The following TAOK1 variants were observed in gnomAD, a reference collection of about 807,000 sequenced individuals.
TAOK1 encodes serine/threonine-protein kinase TAO1.
In TAOK1, 21 loss-of-function variants were observed where a neutral mutation model predicts 138.3. That is an observed-to-expected ratio of 0.15 (90% CI 0.11 to 0.22). The LOEUF (loss-of-function observed/expected upper bound fraction) is 0.22, where lower values mean the gene tolerates loss of function less well. TAOK1 is among the 10% of genes least tolerant of loss of function. TAOK1 has a pLI of 1.00. For missense variants in TAOK1, 651 were observed against 1,227.7 expected (o/e 0.53, Z 7.02); for synonymous variants, 361 against 398.4 (o/e 0.91, Z 1.12).
At chr17:29,400,101 A>G (rs1904790258) in intron 1 of TAOK1, among the ~76,000 whole-genome samples, 1 of 152,104 alleles carries the variant, frequency 6.6e-6, no homozygotes, top group Admixed American at 6.6e-5. Flanking sequence ...GTCTTAAGAA[A>G]TGACATTTCA....
chr17:29,393,098 A>G (rs957441216), intron 1 of TAOK1, among the ~76,000 whole-genome samples: 8 of 152,204 alleles, frequency 5.3e-5, no homozygotes, highest in African/African-American at 1.9e-4. Flanking sequence ...TTCATGGGAC[A>G]AAGCTGCATG....
chr17:29,460,937 G>C (rs1346478228), intron 2 of TAOK1, among the ~76,000 whole-genome samples: 6 of 152,192 alleles, frequency 3.9e-5, no homozygotes, highest in Non-Finnish European at 7.3e-5. Flanking sequence ...CTCACTCCTA[G>C]AGTAGAATTA....
intron 10 of TAOK1, among the ~76,000 whole-genome samples, chr17:29,494,465 A>T (rs1477436293): frequency 6.6e-6 from 1 of 152,024 alleles, no homozygotes; most frequent in African/African-American, 2.4e-5. Flanking sequence ...GCTGTGATTC[A>T]TAGTTACAAC....
chr17:29,531,758 G>A (rs1302225239), intron 18 of TAOK1, among the ~76,000 whole-genome samples: 3 of 145,832 alleles, frequency 2.1e-5, no homozygotes, highest in African/African-American at 7.5e-5. Flanking sequence ...ACGAGACTCC[G>A]TCTCAGAAAA....
Position 29,505,700 on chromosome 17 carries a change from C to T in TAOK1, c.1339-2196C>T, listed in dbSNP as rs193297009. On this transcript the variant is annotated intron_variant, in intron 13 of 19. Transcript: ENST00000261716. ...CTGGGGGACAAGAGCAAGACTTCGT[C>T]TCAAAAAATAAAAAAAAGAAATCAG... is the stretch of plus-strand genomic sequence containing the variant. 2.2e-3 allele frequency among the ~76,000 whole-genome samples: 323 copies of T among 150,006 alleles called. 6 individuals carry two copies. The highest frequency in any genetic ancestry group is 3.1e-4 in the Non-Finnish European group (21 of 67,746).
chr17:29,492,409 C>G (rs900494129), intron 10 of TAOK1, among the ~76,000 whole-genome samples: 1 of 152,154 alleles, frequency 6.6e-6, no homozygotes, highest in Non-Finnish European at 1.5e-5. Context: ...GTTAAGTATT[C>G]AAATAGCTCA....
In TAOK1 at chr17:29,477,700, C is replaced by G; in HGVS notation, c.346C>G (p.Leu116Val). Residue 116 changes from leucine to valine, a missense_variant, in exon 5 of 20, where the codon CTA becomes GTA. This residue lies in a region of TAOK1 where 116 missense variants were observed against 213.9 expected (regional missense o/e 0.54). Transcript: ENST00000261716. ...TTGTTTAGGATCTGCTTCGGATTTA[C>G]TAGAAGGTAAGTTCCCTTTGATTAT... ...EYCLGSASDL[L>V]EVHKKPLQEV... 1 of 1,408,748 alleles carries G rather than the reference C, an allele frequency of 7.1e-7. No homozygotes were observed. The highest frequency in any genetic ancestry group is 2.7e-5 in the East Asian group (1 of 37,266). The allele number at this position is 1,408,748 out of a possible 1,614,324, so 87.3% of individuals were successfully genotyped here. A position where few individuals can be genotyped will look rare whatever the true frequency, so the allele number is the denominator to read the frequency against.
At chr17:29,539,156 G>A (rs1338628270) in intron 19 of TAOK1, among the ~76,000 whole-genome samples, 1 of 152,188 alleles carries the variant, frequency 6.6e-6, no homozygotes, top group Non-Finnish European at 1.5e-5. Context: ...CAGCTCCTCT[G>A]GAGGCTGAGG....
At chr17:29,531,259 G>A (rs866515410) in intron 18 of TAOK1, among the ~76,000 whole-genome samples, 3 of 151,186 alleles carry the variant, frequency 2.0e-5, no homozygotes, top group Middle Eastern at 3.4e-3. Context: ...GAGCCACCAC[G>A]CCCGGCTACA....
At chr17:29,491,989 A>T (rs1387335950) in intron 10 of TAOK1, 124 bp downstream of exon 10, 6 of 649,436 alleles carry the variant, frequency 9.2e-6, no homozygotes, top group Non-Finnish European at 1.6e-5. Context: ...GGCTCAAGCG[A>T]TCCTCCCACC....
At chr17:29,521,736 C>G (rs1263996652) in intron 16 of TAOK1, among the ~76,000 whole-genome samples, 1 of 152,232 alleles carries the variant, frequency 6.6e-6, no homozygotes, top group Non-Finnish European at 1.5e-5. Context: ...GCGCCCGCCA[C>G]AACGCCTGGC....
Position 29,546,687 on chromosome 17 carries a change from TATC to T in TAOK1, c.*3668_*3670del, listed in dbSNP as rs1373400617. 1 of 152,116 alleles carries T rather than the reference TATC, an allele frequency of 6.6e-6. No individual in the cohort carries two copies. Among genetic ancestry groups the T allele is most frequent in the African/African-American group, 2.4e-5 (1 of 41,428 alleles). 9.4% of individuals were successfully genotyped at this position (152,116 alleles called of 1,614,324 possible). A position where few individuals can be genotyped will look rare whatever the true frequency, so the allele number is the denominator to read the frequency against. On this transcript the variant is annotated 3_prime_UTR_variant, in exon 20 of 20. Coordinates refer to ENST00000261716, the MANE Select transcript of TAOK1 (RefSeq NM_020791.4). ...ATATGCACATTTTTGGTATAGCTAT[TATC>T]ATTTGTATGTATATATTGTATATAC...
At chr17:29,452,733 ATATT>A (rs968961308) in intron 2 of TAOK1, among the ~76,000 whole-genome samples, 1 of 152,174 alleles carries the variant, frequency 6.6e-6, no homozygotes, top group Non-Finnish European at 1.5e-5. Flanking sequence ...GAGTCAAACA[ATATT>A]TATTCTTTTG....
intron 17 of TAOK1, among the ~76,000 whole-genome samples, chr17:29,526,214 G>T (rs1314542310): frequency 6.6e-6 from 1 of 152,086 alleles, no homozygotes; most frequent in African/African-American, 2.4e-5. Context: ...GGCGGAGGAA[G>T]GTGGAGGTTA....
chr17:29,489,601 C>G, intron 8 of TAOK1, 63 bp from the exon 9 acceptor site: 1 of 1,018,410 alleles, frequency 9.8e-7, no homozygotes, highest in Non-Finnish European at 1.4e-6. Context: ...AAAGGAAAAA[C>G]GTGCCCAGGA....
At chr17:29,411,115 G>A (rs1192867992) in intron 1 of TAOK1, among the ~76,000 whole-genome samples, 7 of 110,326 alleles carry the variant, frequency 6.3e-5, no homozygotes, top group African/African-American at 2.1e-4. Context: ...TTTTTGAGAC[G>A]GAGTCTCGCT....
chr17:29,457,967 G>T lies in TAOK1; in HGVS notation c.132+6287G>T, dbSNP rs531322482. Among the ~76,000 whole-genome samples, 3 of 152,034 alleles carry T rather than the reference G, an allele frequency of 2.0e-5. No homozygotes were observed. The East Asian group carries it at 5.9e-4, about 30-fold the overall frequency. ...CTACTAAAAATACAAAAAATTAGCC[G>T]GGTGTGGTGGCGGACGCCTGTAGTC... is the stretch of plus-strand genomic sequence containing the variant. On this transcript the variant is annotated intron_variant, in intron 2 of 19. Coordinates refer to ENST00000261716, the MANE Select transcript of TAOK1 (RefSeq NM_020791.4).
At chr17:29,469,226 A>G (rs1356820806) in intron 3 of TAOK1, among the ~76,000 whole-genome samples, 4 of 38,110 alleles carry the variant, frequency 1.0e-4, no homozygotes, top group Admixed American at 2.6e-4. Flanking sequence ...CCCCCGCCCC[A>G]TCTCAGTCAA....
intron 1 of TAOK1, among the ~76,000 whole-genome samples, chr17:29,409,106 C>A (rs1315987349): frequency 6.6e-6 from 1 of 151,890 alleles, no homozygotes; most frequent in African/African-American, 2.4e-5. Context: ...TGTTTTGCTT[C>A]TTTCTCTTGG....
Sources: gnomAD v4.1 joint callset for allele counts (sites outside exome capture counted in the v4.1 genomes callset) on GRCh38, gnomAD v4.1.1 for gene constraint, gnomAD v4.1.1 regional missense constraint, MANE v1.5 for transcripts, NCBI Gene and HGNC (gene_info 2026-07-23, HGNC 2026-07-21) for gene names.